Variants in NAV2 observed in about 807,000 individuals in gnomAD.
The protein encoded by NAV2 is neuron navigator 2, also known as helicase, APC down-regulated 1.
Under a neutral mutation model 223.2 loss-of-function variants are expected in NAV2, and 54 were observed. The observed-to-expected ratio is 0.24, with a 90% CI of 0.19 to 0.30. The LOEUF (loss-of-function observed/expected upper bound fraction) is 0.30, where lower values mean the gene tolerates loss of function less well. Ranked by LOEUF, NAV2 falls within the 10% of genes least tolerant of loss-of-function variation. NAV2 has a pLI of 1.00. For missense variants in NAV2, 2,806 were observed against 3,147.5 expected (o/e 0.89, Z 2.60); for synonymous variants, 1,279 against 1,239.3 (o/e 1.03, Z -0.67).
At chr11:20,056,593 C>T in intron 19 of NAV2, 1 of 1,613,972 alleles carries the variant, frequency 6.2e-7, no homozygotes, top group South Asian at 1.1e-5. Flanking sequence ...CTTCATTTCT[C>T]TCTTCCTTTG....
In NAV2 at chr11:19,852,139, C is replaced by T. The variant is rs187565772; in HGVS notation, c.438+9216C>T. On this transcript the variant is annotated intron_variant, in intron 3 of 37. Transcript: ENST00000349880. ...CTGAGACTGATTTTGGACTTCTGACCTCCAGAACTGTAGATAATACATCTG... is the reference window on the plus strand; with the variant it reads ...CTGAGACTGATTTTGGACTTCTGACTTCCAGAACTGTAGATAATACATCTG... Among the ~76,000 whole-genome samples, 183 of 152,274 alleles carry T rather than the reference C, an allele frequency of 1.2e-3. 1 individual carries two copies. The highest frequency in any genetic ancestry group is 8.8e-5 in the Non-Finnish European group (6 of 68,014).
At chr11:19,638,947 C>T (rs911494418) in intron 1 of NAV2, among the ~76,000 whole-genome samples, 7 of 152,092 alleles carry the variant, frequency 4.6e-5, no homozygotes, top group African/African-American at 1.2e-4. Flanking sequence ...GAGCTGAGAT[C>T]GTGCCACTGC....
At chr11:20,037,904 A>G (rs1038305104) in intron 12 of NAV2, among the ~76,000 whole-genome samples, 1 of 104,770 alleles carries the variant, frequency 9.5e-6, no homozygotes, top group Non-Finnish European at 1.9e-5. Flanking sequence ...GTCCTTAGAT[A>G]CTAAGGAAGG....
At chr11:19,615,359 A>T (rs546330348) in intron 1 of NAV2, among the ~76,000 whole-genome samples, 1 of 152,168 alleles carries the variant, frequency 6.6e-6, no homozygotes, top group East Asian at 1.9e-4. Context: ...CTTATTTGTA[A>T]AATGGGGATA....
intron 1 of NAV2, among the ~76,000 whole-genome samples, chr11:19,736,880 C>G (rs1449550825): frequency 6.6e-6 from 1 of 152,208 alleles, no homozygotes; most frequent in African/African-American, 2.4e-5. Context: ...CTAGGTTATG[C>G]AGGACACCTG....
intron 11 of NAV2, among the ~76,000 whole-genome samples, chr11:20,012,014 G>A (rs1240827526): frequency 6.6e-6 from 1 of 152,224 alleles, no homozygotes; most frequent in Non-Finnish European, 1.5e-5. Flanking sequence ...AGGCACTACA[G>A]AGGAGCATAG....
chr11:19,851,712 G>A (rs559014153), intron 3 of NAV2, among the ~76,000 whole-genome samples: 4 of 152,112 alleles, frequency 2.6e-5, no homozygotes, highest in East Asian at 1.9e-4. Flanking sequence ...CAAAAAGTAC[G>A]CCCTCAGTGG....
chr11:19,959,192 C>A (rs767284696), intron 10 of NAV2, among the ~76,000 whole-genome samples: 1 of 152,138 alleles, frequency 6.6e-6, no homozygotes, highest in East Asian at 1.9e-4. Context: ...TCTCAGGCCA[C>A]CCCCAGACCA....
At chr11:19,605,629 G>A (rs933872745) in intron 1 of NAV2, among the ~76,000 whole-genome samples, 5 of 152,032 alleles carry the variant, frequency 3.3e-5, no homozygotes, top group African/African-American at 9.7e-5. Flanking sequence ...AAGGGTTAGC[G>A]GGGAGGAGGG....
chr11:19,457,835 C>T (rs1175687181), intron 1 of NAV2, among the ~76,000 whole-genome samples: 1 of 152,120 alleles, frequency 6.6e-6, no homozygotes, highest in Non-Finnish European at 1.5e-5. Context: ...CCTGAAGGGT[C>T]TTGCAGATGA....
At chr11:19,608,069 C>T (rs957980596) in intron 1 of NAV2, among the ~76,000 whole-genome samples, 3 of 152,192 alleles carry the variant, frequency 2.0e-5, no homozygotes, top group Admixed American at 6.5e-5. Flanking sequence ...AATAACAACC[C>T]TGGTTACCCA....
chr11:19,727,768 T>C (rs2051368712), intron 1 of NAV2, among the ~76,000 whole-genome samples: 1 of 152,230 alleles, frequency 6.6e-6, no homozygotes, highest in Non-Finnish European at 1.5e-5. Context: ...TGATCACTGA[T>C]GCCATAGAAA....
chr11:19,475,055 A>C (rs948682033), intron 1 of NAV2, among the ~76,000 whole-genome samples: 1 of 152,134 alleles, frequency 6.6e-6, no homozygotes, highest in Non-Finnish European at 1.5e-5. Flanking sequence ...ACAACTTTCC[A>C]CTGGGCCTTG....
At chr11:19,759,035 G>A (rs2054493801) in intron 1 of NAV2, among the ~76,000 whole-genome samples, 1 of 150,942 alleles carries the variant, frequency 6.6e-6, no homozygotes, top group South Asian at 2.1e-4. Context: ...GAGAAAGAAG[G>A]TGCTTCTGTG....
At chr11:19,425,434 G>T (rs1309287791) in intron 1 of NAV2, among the ~76,000 whole-genome samples, 1 of 152,170 alleles carries the variant, frequency 6.6e-6, no homozygotes, top group African/African-American at 2.4e-5. Context: ...TCTGTGCCCT[G>T]CTAGTCTCTC....
At chr11:19,376,006 C>T (rs896758276) in intron 1 of NAV2, among the ~76,000 whole-genome samples, 1 of 152,154 alleles carries the variant, frequency 6.6e-6, no homozygotes, top group African/African-American at 2.4e-5. Flanking sequence ...AATAAATGCT[C>T]ACAATATAGC....
chr11:19,497,301 C>T (rs1166426403), intron 1 of NAV2, among the ~76,000 whole-genome samples: 1 of 152,098 alleles, frequency 6.6e-6, no homozygotes, highest in Non-Finnish European at 1.5e-5. Context: ...TTGTAAGTGC[C>T]GTATAAGAAT....
intron 1 of NAV2, among the ~76,000 whole-genome samples, chr11:19,624,621 G>C (rs984462583): frequency 6.6e-6 from 1 of 152,316 alleles, no homozygotes; most frequent in Non-Finnish European, 1.5e-5. Context: ...GTATTAGGGT[G>C]GGAGTGACCC....
intron 1 of NAV2, chr11:19,402,032 T>A: frequency 6.6e-6 from 1 of 152,220 alleles, no homozygotes; most frequent in Non-Finnish European, 1.5e-5. Flanking sequence ...CCTCATTCCC[T>A]ACATAAGACA....
Sources: allele counts gnomAD v4.1 joint callset (sites outside exome capture counted in the v4.1 genomes callset), GRCh38; gene constraint gnomAD v4.1.1; transcripts MANE v1.5; gene names NCBI Gene and HGNC (gene_info 2026-07-23, HGNC 2026-07-21).